Variants in SLC22A23 observed in about 807,000 individuals in gnomAD.
SLC22A23 encodes ion transporter protein.
SLC22A23 carries 26 observed loss-of-function variants against 61.0 expected under a neutral mutation model. That is an observed-to-expected ratio of 0.43 (90% CI 0.31 to 0.59). SLC22A23 has a LOEUF of 0.59. Ranked by LOEUF, SLC22A23 falls within the 20% of genes least tolerant of loss-of-function variation. The pLI is 0.11. For synonymous variants in SLC22A23, 430 were observed against 413.9 expected, an observed-to-expected ratio of 1.04 and a Z score of -0.47; for missense variants, 796 against 934.7, an observed-to-expected ratio of 0.85 and a Z score of 1.94.
At position 3,322,141 on chromosome 6, in the gene SLC22A23, G is replaced by A. The variant is rs992806429; in HGVS notation, c.1082+1693C>T. The stretch of plus-strand genomic sequence containing the variant: ...GGCCGCTTCAGGTCCAGGCTCTGAC[G>A]TGAGTCAGCGGGGGTCAGGGGACCG... On this transcript the variant is annotated intron_variant, in intron 4 of 9. Transcript: ENST00000406686. This position sits in a 1 kb window ranked among gnomAD's most constrained non-coding sequence, Gnocchi z 4.1. Among the ~76,000 whole-genome samples, 4 of 152,178 alleles carry A rather than the reference G, an allele frequency of 2.6e-5. No individual in the cohort carries two copies. Among genetic ancestry groups the A allele is most frequent in the Non-Finnish European group, 4.4e-5 (3 of 68,040 alleles).
At chr6:3,439,845 G>C (rs1287714138) in intron 1 of SLC22A23, among the ~76,000 whole-genome samples, 1 of 152,158 alleles carries the variant, frequency 6.6e-6, no homozygotes, top group East Asian at 1.9e-4. Context: ...ACAGGATGGA[G>C]GGGTGGACTC....
intron 3 of SLC22A23, among the ~76,000 whole-genome samples, chr6:3,393,519 T>G (rs1387689584): frequency 1.3e-5 from 2 of 152,222 alleles, no homozygotes; most frequent in African/African-American, 4.8e-5. Context: ...CAGGTTCTCT[T>G]AGGCAGCTCT....
intron 3 of SLC22A23, among the ~76,000 whole-genome samples, chr6:3,370,138 AT>A (rs201969452): frequency 3.3e-5 from 5 of 152,016 alleles, no homozygotes; most frequent in African/African-American, 9.7e-5. Flanking sequence ...CTGGTTGGGA[AT>A]TTTTTTTCCC....
rs1357614848 is a variant in SLC22A23, at chr6:3,387,635, G to A, written c.913+22553C>T. On this transcript the variant is annotated intron_variant, in intron 3 of 9. Coordinates refer to ENST00000406686, the MANE Select transcript of SLC22A23 (RefSeq NM_015482.2). The surrounding 1 kb of genome is among the most constrained non-coding windows in gnomAD (Gnocchi z 5.0). ...GTTATGTGAGTTCACGTTAGCGGAA[G>A]GCGGGTGAGTGAAGGGCTTACAGAA... Among the ~76,000 whole-genome samples, 1 of 152,258 alleles carries A rather than the reference G, an allele frequency of 6.6e-6. No homozygotes were observed. The highest frequency in any genetic ancestry group is 1.5e-5 in the Non-Finnish European group (1 of 68,050).
At chr6:3,316,299 T>G in intron 4 of SLC22A23, among the ~76,000 whole-genome samples, 1 of 152,326 alleles carries the variant, frequency 6.6e-6, no homozygotes, top group Non-Finnish European at 1.5e-5. Flanking sequence ...GTTCCTTGGA[T>G]CCAGGAAGAG....
chr6:3,330,817 C>T lies in SLC22A23; in HGVS notation c.914-6815G>A, dbSNP rs1763541292. On this transcript the variant is annotated intron_variant, in intron 3 of 9. Transcript: ENST00000406686. This position sits in a 1 kb window ranked among gnomAD's most constrained non-coding sequence, Gnocchi z 4.7. ...GAAGAATCTGAAAGAGTAGTTTTCTCCATTTAGAGAAAGGGAAAATTTTAA... is the reference window on the plus strand; with the variant it reads ...GAAGAATCTGAAAGAGTAGTTTTCTTCATTTAGAGAAAGGGAAAATTTTAA... Among the ~76,000 whole-genome samples the T allele has an allele frequency of 2.0e-5, 3 of 152,170 alleles. No individual in the cohort carries two copies. Among genetic ancestry groups the T allele is most frequent in the African/African-American group, 7.2e-5 (3 of 41,428 alleles).
At chr6:3,418,664 G>A (rs1410027754) in intron 1 of SLC22A23, among the ~76,000 whole-genome samples, 1 of 152,232 alleles carries the variant, frequency 6.6e-6, no homozygotes, top group Non-Finnish European at 1.5e-5. Flanking sequence ...AGGAAACCCA[G>A]AGCAAGGCAG....
chr6:3,285,424 C>CT (rs1759896667), intron 7 of SLC22A23, among the ~76,000 whole-genome samples: 1 of 152,268 alleles, frequency 6.6e-6, no homozygotes, highest in Non-Finnish European at 1.5e-5. Flanking sequence ...AAGTCACCCA[C>CT]AGGTCACTGC....
chr6:3,396,294 G>A (rs1246194144), intron 3 of SLC22A23, among the ~76,000 whole-genome samples: 2 of 152,220 alleles, frequency 1.3e-5, no homozygotes, highest in Non-Finnish European at 2.9e-5. Context: ...CAGGTGCAGT[G>A]GCTTATGCCT....
rs9503513 is a variant in SLC22A23, at chr6:3,271,457, G to A, written c.*1598C>T. On this transcript the variant is annotated 3_prime_UTR_variant, in exon 10 of 10. Coordinates refer to ENST00000406686, the MANE Select transcript of SLC22A23 (RefSeq NM_015482.2). ...GAGTGGCGACAGCAAGCAGCAGGCCGGGTGGAAAGCCAGAAGGGGAGAAGG... is the reference window on the plus strand; with the variant it reads ...GAGTGGCGACAGCAAGCAGCAGGCCAGGTGGAAAGCCAGAAGGGGAGAAGG... 0.022 allele frequency: 3,338 copies of A among 152,512 alleles called. 84 individuals are homozygous for A. The highest frequency in any genetic ancestry group is 0.065 in the Middle Eastern group (19 of 294). The allele number at this position is 152,512 out of a possible 1,614,324, so 9.4% of individuals were successfully genotyped here. A position where few individuals can be genotyped will look rare whatever the true frequency, so the allele number is the denominator to read the frequency against.
chr6:3,385,467 G>A (rs1201140648), intron 3 of SLC22A23, among the ~76,000 whole-genome samples: 1 of 152,164 alleles, frequency 6.6e-6, no homozygotes, highest in Non-Finnish European at 1.5e-5. Flanking sequence ...AGTGTGCAGA[G>A]ATGGTGCCAC....
At position 3,286,279 on chromosome 6, in the gene SLC22A23, A is replaced by G. The variant is rs539762404; in HGVS notation, c.1546+580T>C. ...AAGCCCAGCTAATTATTTTTTGTATATTTAGTAGAGATGGGGTTTCACTAC... is the reference window on the plus strand; with the variant it reads ...AAGCCCAGCTAATTATTTTTTGTATGTTTAGTAGAGATGGGGTTTCACTAC... On this transcript the variant is annotated intron_variant, in intron 7 of 9. Coordinates refer to ENST00000406686, the MANE Select transcript of SLC22A23 (RefSeq NM_015482.2). This position sits in a 1 kb window ranked among gnomAD's most constrained non-coding sequence, Gnocchi z 4.2. 6.6e-6 allele frequency among the ~76,000 whole-genome samples: 1 copy of G among 151,888 alleles called. No individual in the cohort carries two copies. Among genetic ancestry groups the G allele is most frequent in the South Asian group, 2.1e-4 (1 of 4,800 alleles).
intron 4 of SLC22A23, among the ~76,000 whole-genome samples, chr6:3,306,282 C>T (rs1025496101): frequency 3.3e-5 from 5 of 152,190 alleles, no homozygotes; most frequent in African/African-American, 1.2e-4. Flanking sequence ...CCACCAGGCC[C>T]TACCTCCAAC....
chr6:3,362,599 A>G (rs1355241347), intron 3 of SLC22A23, among the ~76,000 whole-genome samples: 1 of 151,788 alleles, frequency 6.6e-6, no homozygotes, highest in Non-Finnish European at 1.5e-5. Context: ...AAAGCCCCCC[A>G]TCCCATCTCC....
At chr6:3,425,285 C>CTTTTTTTTTT (rs33955202) in intron 1 of SLC22A23, among the ~76,000 whole-genome samples, 2 of 115,870 alleles carry the variant, frequency 1.7e-5, no homozygotes, top group African/African-American at 3.4e-5. Context: ...ATGAATAATT[C>CTTTTTTTTTT]TTTTTTTTTT....
In SLC22A23 at chr6:3,386,173, A is replaced by G. The variant is rs1767293274; in HGVS notation, c.913+24015T>C. Among the ~76,000 whole-genome samples the G allele has an allele frequency of 6.6e-6, 1 of 152,154 alleles. No homozygotes were observed. Among genetic ancestry groups the G allele is most frequent in the African/African-American group, 2.4e-5 (1 of 41,448 alleles). ...TCTCATTACCTGACGAGGTGGATTT[A>G]TTAATGATCTGGGTTGACATTAGCT... On this transcript the variant is annotated intron_variant, in intron 3 of 9. Transcript: ENST00000406686. The surrounding 1 kb of genome is among the most constrained non-coding windows in gnomAD (Gnocchi z 4.4).
intron 1 of SLC22A23, among the ~76,000 whole-genome samples, chr6:3,436,416 G>A (rs973922878): frequency 1.1e-4 from 16 of 152,164 alleles, no homozygotes; most frequent in African/African-American, 2.7e-4. Context: ...GATTACAGGC[G>A]TAAGCCACTG....
At chr6:3,284,608 CG>C (rs139842328) in intron 8 of SLC22A23, among the ~76,000 whole-genome samples, 8,701 of 152,268 alleles carry the variant, frequency 0.057, 281 homozygotes, top group East Asian at 0.1. Context: ...GCAGGCCAGG[CG>C]GGTGCAGCAG....
chr6:3,394,478 A>G (rs1767877042), intron 3 of SLC22A23, among the ~76,000 whole-genome samples: 1 of 152,254 alleles, frequency 6.6e-6, no homozygotes, highest in Non-Finnish European at 1.5e-5. Context: ...TTTATGGGAA[A>G]TATAGATTTG....
Sources: allele counts gnomAD v4.1 joint callset (sites outside exome capture counted in the v4.1 genomes callset), GRCh38; gene constraint gnomAD v4.1.1; non-coding constraint Gnocchi (gnomAD v3.1); transcripts MANE v1.5; gene names NCBI Gene and HGNC (gene_info 2026-07-23, HGNC 2026-07-21).